FAF1: variants seen among roughly 807,000 people sequenced by gnomAD.
FAF1 encodes the protein FAS-associated factor 1.
Under a neutral mutation model 92.5 loss-of-function variants are expected in FAF1, and 25 were observed. That is an observed-to-expected ratio of 0.27 (90% CI 0.20 to 0.38). The LOEUF is 0.38. Among genes scored for constraint, FAF1 ranks in the 10% least tolerant of loss-of-function variants. The pLI is 1.00. For synonymous variants in FAF1, 234 were observed against 273.2 expected, an observed-to-expected ratio of 0.86 and a Z score of 1.42; for missense variants, 636 against 793.3, an observed-to-expected ratio of 0.80 and a Z score of 2.38.
At chr1:50,740,124 G>C (rs909706673) in intron 5 of FAF1, among the ~76,000 whole-genome samples, 4 of 152,040 alleles carry the variant, frequency 2.6e-5, no homozygotes, top group African/African-American at 7.2e-5. Context: ...AAAATTCTCT[G>C]ATCTTAGGGA....
intron 13 of FAF1, among the ~76,000 whole-genome samples, chr1:50,555,785 T>C (rs1371427995): frequency 6.6e-6 from 1 of 152,100 alleles, no homozygotes; most frequent in African/African-American, 2.4e-5. Context: ...AAAAAGTCAT[T>C]ATATCAAAAA....
chr1:50,893,870 T>C (rs1644738349), intron 1 of FAF1, among the ~76,000 whole-genome samples: 1 of 152,182 alleles, frequency 6.6e-6, no homozygotes, highest in African/African-American at 2.4e-5. Context: ...CCTGGTATTC[T>C]ATTGTACTGC....
chr1:50,714,917 A>G (rs1658108522), intron 6 of FAF1: 1 of 351,756 alleles, frequency 2.8e-6, no homozygotes, highest in Admixed American at 3.6e-5. Flanking sequence ...GTCCAGACAA[A>G]TGATATTTAT....
intron 7 of FAF1, among the ~76,000 whole-genome samples, chr1:50,665,271 T>C (rs1655569221): frequency 6.6e-6 from 1 of 152,192 alleles, no homozygotes; most frequent in Non-Finnish European, 1.5e-5. Context: ...ACTGTGGACC[T>C]GAAATGTTTT....
chr1:50,752,847 T>C (rs2124512900), intron 4 of FAF1, among the ~76,000 whole-genome samples: 1 of 152,144 alleles, frequency 6.6e-6, no homozygotes, highest in African/African-American at 2.4e-5. Flanking sequence ...CACACCTGGC[T>C]AATTTTTGTA....
chr1:50,775,549 A>C, intron 4 of FAF1, among the ~76,000 whole-genome samples: 1 of 152,146 alleles, frequency 6.6e-6, no homozygotes, highest in East Asian at 1.9e-4. Context: ...AGTTTTCTGG[A>C]AAGCTAAAGC....
chr1:50,541,144 G>T, intron 13 of FAF1, among the ~76,000 whole-genome samples: 1 of 152,086 alleles, frequency 6.6e-6, no homozygotes, highest in Non-Finnish European at 1.5e-5. Context: ...TACATTTTCT[G>T]TCTATAGAAA....
At chr1:50,820,014 A>C (rs759547013) in intron 2 of FAF1, among the ~76,000 whole-genome samples, 20 of 151,558 alleles carry the variant, frequency 1.3e-4, no homozygotes, top group Non-Finnish European at 2.8e-4. Context: ...AGCAATCCAT[A>C]TGTCGTTTGT....
intron 7 of FAF1, among the ~76,000 whole-genome samples, chr1:50,691,661 G>A (rs1205130578): frequency 6.6e-6 from 1 of 151,664 alleles, no homozygotes; most frequent in African/African-American, 2.4e-5. Flanking sequence ...GCGCGATCTC[G>A]GCTTACGCAA....
At chr1:50,701,614 C>T (rs1040213449) in intron 7 of FAF1, among the ~76,000 whole-genome samples, 1 of 152,052 alleles carries the variant, frequency 6.6e-6, no homozygotes, top group African/African-American at 2.4e-5. Context: ...GAATAATAGA[C>T]ACAACATACA....
chr1:50,633,369 G>T (rs1418053229), intron 8 of FAF1, among the ~76,000 whole-genome samples: 1 of 152,110 alleles, frequency 6.6e-6, no homozygotes, highest in Non-Finnish European at 1.5e-5. Flanking sequence ...CCATCTCCTT[G>T]CACTTTGAAA....
intron 13 of FAF1, among the ~76,000 whole-genome samples, chr1:50,556,271 T>C (rs1377256519): frequency 6.6e-6 from 1 of 150,648 alleles, no homozygotes; most frequent in African/African-American, 2.4e-5. Context: ...GAATAAGGTC[T>C]TCTGCAACAA....
intron 12 of FAF1, among the ~76,000 whole-genome samples, chr1:50,580,285 C>T (rs1650932325): frequency 6.6e-6 from 1 of 151,392 alleles, no homozygotes; most frequent in South Asian, 2.1e-4. Context: ...GGAACTGAAA[C>T]AAAAATTTAT....
At chr1:50,833,340 TAA>T (rs891504571) in intron 2 of FAF1, among the ~76,000 whole-genome samples, 2 of 139,770 alleles carry the variant, frequency 1.4e-5, no homozygotes, top group African/African-American at 2.6e-5. Flanking sequence ...AGGCTTATTA[TAA>T]AAAAAAAAAA....
chr1:50,748,370 GCCTGTAATC>G (rs1180380941), intron 4 of FAF1, among the ~76,000 whole-genome samples: 1 of 152,022 alleles, frequency 6.6e-6, no homozygotes, highest in Non-Finnish European at 1.5e-5. Context: ...GGTGGCACAT[GCCTGTAATC>G]CCAGCTACTC....
At position 50,959,798 on chromosome 1, in the gene FAF1, A is replaced by C; in HGVS notation, c.14T>G (p.Met5Arg). The stretch of plus-strand genomic sequence containing the variant: ...ATCCGCCAGGATCATCTCCCGGTCC[A>C]TGTTGGACGCCATGGCGGCCGCCGA... MASN[M>R]DREMILADFQ... Residue 5 changes from methionine (M) to arginine (R), a missense_variant, in exon 1 of 19, where the codon ATG becomes AGG. By Grantham distance (91) the Met-to-Arg change is moderately conservative. Coordinates refer to ENST00000396153, the MANE Select transcript of FAF1 (RefSeq NM_007051.3). 2 of 1,584,542 alleles carry C rather than the reference A, an allele frequency of 1.3e-6. No homozygotes were observed. Among genetic ancestry groups the C allele is most frequent in the Non-Finnish European group, 1.7e-6 (2 of 1,164,734 alleles).
intron 8 of FAF1, among the ~76,000 whole-genome samples, chr1:50,596,977 T>C (rs1179969979): frequency 1.3e-5 from 2 of 152,160 alleles, no homozygotes; most frequent in Non-Finnish European, 2.9e-5. Flanking sequence ...TATACATACA[T>C]AGGACAAATG....
At chr1:50,506,481 C>T (rs891846951) in intron 15 of FAF1, among the ~76,000 whole-genome samples, 50 of 152,252 alleles carry the variant, frequency 3.3e-4, no homozygotes, top group African/African-American at 1.1e-3. Context: ...ATCTTTCAGG[C>T]CCAACCTAAG....
chr1:50,674,557 T>C (rs1187433428), intron 7 of FAF1, among the ~76,000 whole-genome samples: 1 of 152,228 alleles, frequency 6.6e-6, no homozygotes, highest in Non-Finnish European at 1.5e-5. Flanking sequence ...CAGGTGGGTG[T>C]TGTTTATATG....
Sources: gnomAD v4.1 joint callset for allele counts (sites outside exome capture counted in the v4.1 genomes callset) on GRCh38, gnomAD v4.1.1 for gene constraint, MANE v1.5 for transcripts, NCBI Gene and HGNC (gene_info 2026-07-23, HGNC 2026-07-21) for gene names.